The following RBFOX1 variants were observed in gnomAD, a reference collection of about 807,000 sequenced individuals.
The protein encoded by RBFOX1 is RNA binding protein fox-1 homolog 1.
RBFOX1 carries 8 observed loss-of-function variants against 57.7 expected under a neutral mutation model. The ratio of observed to expected loss-of-function variants is 0.14; its 90% CI spans 0.08 to 0.25. The LOEUF (loss-of-function observed/expected upper bound fraction) is 0.25, where lower values mean the gene tolerates loss of function less well. Ranked by LOEUF, RBFOX1 falls within the 10% of genes least tolerant of loss-of-function variation. RBFOX1 has a pLI of 1.00. For synonymous variants in RBFOX1, 326 were observed against 222.4 expected, an observed-to-expected ratio of 1.47 and a Z score of -4.15; for missense variants, 611 against 548.5, an observed-to-expected ratio of 1.11 and a Z score of -1.14.
At chr16:6,134,743 T>G (rs533762121) in intron 1 of RBFOX1, among the ~76,000 whole-genome samples, 2 of 151,472 alleles carry the variant, frequency 1.3e-5, no homozygotes, top group South Asian at 2.1e-4. Flanking sequence ...AGTGGTGTGA[T>G]GTCGGCTCAC....
intron 3 of RBFOX1, among the ~76,000 whole-genome samples, chr16:5,796,925 A>T (rs886217929): frequency 6.6e-6 from 1 of 152,204 alleles, no homozygotes; most frequent in Non-Finnish European, 1.5e-5. Flanking sequence ...TTGAGGATCT[A>T]CTTTGTGCCA....
intron 4 of RBFOX1, among the ~76,000 whole-genome samples, chr16:7,259,921 C>T (rs969238843): frequency 2.6e-5 from 4 of 152,034 alleles, no homozygotes; most frequent in Admixed American, 1.3e-4. Flanking sequence ...AAATGAATGC[C>T]TGCCAATTTA....
chr16:7,282,626 T>G (rs1414268684), intron 4 of RBFOX1, among the ~76,000 whole-genome samples: 1 of 152,044 alleles, frequency 6.6e-6, no homozygotes. Flanking sequence ...ACAGGTGGTG[T>G]TTGATTTCAT....
chr16:7,419,130 A>T (rs13329776), intron 4 of RBFOX1, among the ~76,000 whole-genome samples: 1 of 151,720 alleles, frequency 6.6e-6, no homozygotes, highest in Admixed American at 6.6e-5. Flanking sequence ...CTGGTCTGGA[A>T]CTCCTGGGCT....
intron 1 of RBFOX1, among the ~76,000 whole-genome samples, chr16:5,240,385 G>C (rs1596278254): frequency 6.6e-6 from 1 of 152,260 alleles, no homozygotes. Flanking sequence ...GGAGCCCCGC[G>C]TCCTGGGGGC....
At chr16:7,475,782 G>C (rs546763018) in intron 4 of RBFOX1, among the ~76,000 whole-genome samples, 2 of 152,214 alleles carry the variant, frequency 1.3e-5, no homozygotes, top group Non-Finnish European at 2.9e-5. Flanking sequence ...TAAAGTATTA[G>C]GGTAGCTAAC....
rs184244611 is a variant in RBFOX1 at position 6,131,587 on chromosome 16, A to G, written c.-127+111595A>G. Among the ~76,000 whole-genome samples the G allele has an allele frequency of 2.6e-3, 403 of 152,300 alleles. 3 individuals carry two copies. Among genetic ancestry groups the G allele is most frequent in the Non-Finnish European group, 3.5e-3 (235 of 68,016 alleles). On this transcript the variant is annotated intron_variant, in intron 1 of 15. Coordinates refer to ENST00000550418, the MANE Select transcript of RBFOX1 (RefSeq NM_018723.4). Reference sequence around the variant, plus strand: ...CTCCCCAGATGACTCTCAAGTTTATAAAACTGTGTGGACAGAAGTTGCGGA... The same window carrying G: ...CTCCCCAGATGACTCTCAAGTTTATGAAACTGTGTGGACAGAAGTTGCGGA...
At chr16:6,739,224 C>A (rs1433899325) in intron 3 of RBFOX1, among the ~76,000 whole-genome samples, 1 of 149,464 alleles carries the variant, frequency 6.7e-6, no homozygotes, top group Middle Eastern at 3.4e-3. Context: ...TGGCAAACTT[C>A]TAGTAGGGAT....
At chr16:7,684,012 T>C (rs912198895) in intron 14 of RBFOX1, among the ~76,000 whole-genome samples, 4 of 152,158 alleles carry the variant, frequency 2.6e-5, no homozygotes, top group Admixed American at 6.6e-5. Context: ...GATGGTAGTA[T>C]ACTATCTTTC....
rs116809836 is a variant in RBFOX1 at position 6,055,929 on chromosome 16, C to A, written c.-127+35937C>A. Among the ~76,000 whole-genome samples, 744 of 152,274 alleles carry A rather than the reference C, an allele frequency of 4.9e-3. 5 individuals are homozygous for A. The highest frequency in any genetic ancestry group is 0.017 in the African/African-American group (691 of 41,552). ...ATTTTACTAATCCCCTCTTGATGAG[C>A]ACTTAGGTTATTTCTTTCCTAATAT... On this transcript the variant is annotated intron_variant, in intron 1 of 15. Transcript: ENST00000550418.
chr16:5,971,040 C>G (rs567485660), intron 4 of RBFOX1, among the ~76,000 whole-genome samples: 1 of 152,326 alleles, frequency 6.6e-6, no homozygotes, highest in Non-Finnish European at 1.5e-5. Flanking sequence ...AGGATGCTCC[C>G]TGTGTGAGCT....
chr16:6,791,035 A>T (rs1004143038), intron 3 of RBFOX1, among the ~76,000 whole-genome samples: 8 of 152,026 alleles, frequency 5.3e-5, no homozygotes, highest in Admixed American at 5.2e-4. Context: ...CCTTCTGAGC[A>T]GATGGGACCA....
intron 2 of RBFOX1, among the ~76,000 whole-genome samples, chr16:6,522,421 C>T (rs146051963): frequency 6.7e-4 from 102 of 152,046 alleles, no homozygotes; most frequent in African/African-American, 2.3e-3. Context: ...ATAATGCCAT[C>T]GTATTGGGAA....
At chr16:5,383,841 T>C (rs778411868) in intron 1 of RBFOX1, among the ~76,000 whole-genome samples, 2 of 152,210 alleles carry the variant, frequency 1.3e-5, no homozygotes, top group Non-Finnish European at 2.9e-5. Context: ...GAAAAGAGAG[T>C]TTATTGGTTG....
intron 12 of RBFOX1, among the ~76,000 whole-genome samples, chr16:7,659,685 A>G (rs7187238): frequency 0.97 from 147,972 of 152,338 alleles, 72,010 homozygotes; most frequent in East Asian, 1. Flanking sequence ...CACATGCAGC[A>G]TATGGGCTGC....
intron 4 of RBFOX1, among the ~76,000 whole-genome samples, chr16:7,221,264 G>A (rs991711300): frequency 1.3e-5 from 2 of 152,288 alleles, no homozygotes; most frequent in Admixed American, 6.5e-5. Context: ...TAGCCACAAG[G>A]AGGGTCTCAG....
chr16:5,424,918 T>C lies in RBFOX1; in HGVS notation c.220-42298T>C, dbSNP rs1333419854. On this transcript the variant is annotated intron_variant, in intron 1 of 2. Coordinates refer to the RBFOX1 transcript ENST00000585867. The stretch of plus-strand genomic sequence containing the variant: ...TTCTTTCTTTCTTTCTTTCTTTCTT[T>C]CTTTCTTTCTTTCTTTCTCTCTCTT... 1.4e-3 allele frequency among the ~76,000 whole-genome samples: 144 copies of C among 105,632 alleles called. 1 individual carries two copies. Among genetic ancestry groups the C allele is most frequent in the African/African-American group, 3.2e-3 (78 of 24,482 alleles). The allele number at this position is 105,632 out of a possible 152,430, so 69.3% of individuals were successfully genotyped here.
intron 3 of RBFOX1, among the ~76,000 whole-genome samples, chr16:6,971,485 GAA>G (rs1491337809): frequency 2.8e-5 from 4 of 141,106 alleles, no homozygotes; most frequent in African/African-American, 9.8e-5. Context: ...ATTGCAATAT[GAA>G]GAGAGAGAGA....
At chr16:6,682,923 A>G (rs1186673774) in intron 3 of RBFOX1, among the ~76,000 whole-genome samples, 3 of 151,888 alleles carry the variant, frequency 2.0e-5, no homozygotes, top group Non-Finnish European at 4.4e-5. Context: ...TATGAGAGCC[A>G]AAATTCACAG....
Sources: gnomAD v4.1 joint callset for allele counts (sites outside exome capture counted in the v4.1 genomes callset) on GRCh38, gnomAD v4.1.1 for gene constraint, MANE v1.5 for transcripts, NCBI Gene and HGNC (gene_info 2026-07-23, HGNC 2026-07-21) for gene names.